Variants in OR7G2 observed in about 807,000 individuals in gnomAD.
The protein encoded by OR7G2 is olfactory receptor family 7 subfamily G member 2.
For synonymous variants in OR7G2, 153 were observed against 152.2 expected (o/e 1.01, Z -0.04); for missense variants, 362 against 384.0 (o/e 0.94, Z 0.48).
chr19:9,107,038 C>CAA (rs5827048), intron 1 of OR7G2, among the ~76,000 whole-genome samples: 2 of 151,318 alleles, frequency 1.3e-5, no homozygotes, highest in Non-Finnish European at 2.9e-5. Context: ...CCTGTGTCTA[C>CAA]AAAAAAAATT....
At position 9,102,753 on chromosome 19, in the gene OR7G2, A is replaced by G. The variant is rs774875374; in HGVS notation, c.491T>C (p.Leu164Ser). The change falls in exon 2 of 2, where the codon TTG (leucine) becomes TCG (serine). Residue 164 changes from leucine to serine, a missense_variant. Leu to Ser is a moderately radical substitution (Grantham distance 145). Coordinates refer to ENST00000641081, the MANE Select transcript of OR7G2 (RefSeq NM_001005193.2). ...VNALLLSLMVLRLSFCTDLEI... is the reference protein window; with the variant it reads ...VNALLLSLMVSRLSFCTDLEI... ...CAGGTCTGTGCAGAAGGACAGCCTC[A>G]ACACCATCAGGCTGAGAAGAAGGGC... 3 of 1,614,078 alleles carry G rather than the reference A, an allele frequency of 1.9e-6. No individual in the cohort carries two copies. In the African/African-American group the frequency reaches 4.0e-5, roughly 22 times the overall value.
Position 9,102,508 on chromosome 19 carries a change from A to G in OR7G2, c.736T>C (p.Ser246Pro). 1 of 1,614,154 alleles carries G rather than the reference A, an allele frequency of 6.2e-7. No individual in the cohort carries two copies. Among genetic ancestry groups the G allele is most frequent in the Non-Finnish European group, 8.5e-7 (1 of 1,179,994 alleles). Residue 246 changes from serine (S) to proline (P), a missense_variant, in exon 2 of 2, where the codon TCC (serine) becomes CCC (proline). By Grantham distance (74) the Ser-to-Pro change is moderately conservative. Transcript: ENST00000641081. ...KAVSTCGSHL[S>P]IVLLFYGAGL... Reference sequence around the variant, plus strand: ...GCCCCATAGAACAAGAGAACAATGGAGAGGTGAGACCCACAGGTGGAAACT... The same window carrying G: ...GCCCCATAGAACAAGAGAACAATGGGGAGGTGAGACCCACAGGTGGAAACT...
chr19:9,106,577 C>A (rs1056639173), intron 1 of OR7G2, among the ~76,000 whole-genome samples: 3 of 151,714 alleles, frequency 2.0e-5, no homozygotes, highest in African/African-American at 7.3e-5. Context: ...GAGGCTGAGG[C>A]AGGTGGATCA....
intron 1 of OR7G2, among the ~76,000 whole-genome samples, chr19:9,106,253 A>C (rs994498754): frequency 1.4e-5 from 2 of 139,376 alleles, no homozygotes; most frequent in Non-Finnish European, 3.2e-5. Context: ...CCCCGTCTTT[A>C]CTACAAATAC....
Position 9,102,096 on chromosome 19 carries a change from A to G in OR7G2, c.*173T>C, listed in dbSNP as rs1217764884. 8 of 588,944 alleles carry G rather than the reference A, an allele frequency of 1.4e-5. No homozygotes were observed. The highest frequency in any genetic ancestry group is 2.4e-5 in the Non-Finnish European group (8 of 337,932). 36.5% of individuals were successfully genotyped at this position (588,944 alleles called of 1,614,324 possible). Reference sequence around the variant, plus strand: ...CAGGCGCCTGTAATCCCCACTACTCAGGAGGCTGAGGCAGGAGGATGGCTT... The same window carrying G: ...CAGGCGCCTGTAATCCCCACTACTCGGGAGGCTGAGGCAGGAGGATGGCTT... On this transcript the variant is annotated 3_prime_UTR_variant, in exon 2 of 2. Transcript: ENST00000641081.
chr19:9,105,781 A>G (rs573884205), intron 1 of OR7G2, among the ~76,000 whole-genome samples: 1 of 151,696 alleles, frequency 6.6e-6, no homozygotes, highest in Admixed American at 6.6e-5. Flanking sequence ...CAGGAAATGG[A>G]GGTTGCAGTG....
intron 1 of OR7G2, among the ~76,000 whole-genome samples, chr19:9,105,468 T>C (rs567528690): frequency 6.6e-6 from 1 of 152,246 alleles, no homozygotes; most frequent in South Asian, 2.1e-4. Flanking sequence ...ATTCATCACA[T>C]AAAAAGAACT....
At chr19:9,103,302 G>A (rs368281058) in intron 1 of OR7G2, 43 bp from the exon 2 acceptor site, 9 of 1,608,808 alleles carry the variant, frequency 5.6e-6, no homozygotes, top group Admixed American at 1.7e-5. Context: ...CAGCTGCATC[G>A]GCATCACTCG....
chr19:9,106,225 C>T (rs2050384904), intron 1 of OR7G2, among the ~76,000 whole-genome samples: 1 of 149,514 alleles, frequency 6.7e-6, no homozygotes, highest in South Asian at 2.1e-4. Context: ...TGAGATCAGC[C>T]TGGCCAATAT....
Position 9,102,591 on chromosome 19 carries a change from T to C in OR7G2, c.653A>G (p.Tyr218Cys), listed in dbSNP as rs2050360879. 4.3e-6 allele frequency: 7 copies of C among 1,614,138 alleles called. No individual in the cohort carries two copies. Among genetic ancestry groups the C allele is most frequent in the Non-Finnish European group, 5.9e-6 (7 of 1,180,024 alleles). Reference protein sequence around the residue: ...GVPLSGIILSYTQITSCVLRM... With the variant: ...GVPLSGIILSCTQITSCVLRM... ...CAAAACACAGGAGGTGATCTGAGTGTAAGACAAAATGATTCCAGACAGAGG... is the reference window on the plus strand; with the variant it reads ...CAAAACACAGGAGGTGATCTGAGTGCAAGACAAAATGATTCCAGACAGAGG... Residue 218 changes from tyrosine (Y) to cysteine (C), a missense_variant, in exon 2 of 2, where the codon TAC (tyrosine) becomes TGC (cysteine). Physicochemically the swap from Tyr to Cys is radical, Grantham distance 194 (BLOSUM62 -2). Transcript: ENST00000641081.
At chr19:9,103,711 G>A (rs528421126) in intron 1 of OR7G2, among the ~76,000 whole-genome samples, 9 of 150,550 alleles carry the variant, frequency 6.0e-5, no homozygotes, top group Admixed American at 2.0e-4. Context: ...TAGAGACGGC[G>A]GGGGTGGGGG....
At position 9,107,306 on chromosome 19, in the gene OR7G2, C is replaced by T. The variant is rs1372065711; in HGVS notation, c.-17+8G>A. ...TGGCTTCAACAAAAATGATGCTCAA[C>T]AACTCACATGGATATTGCAGAGGAT... On this transcript the variant is annotated splice_region_variant and intron_variant, in intron 1 of 1. Coordinates refer to ENST00000641081, the MANE Select transcript of OR7G2 (RefSeq NM_001005193.2). 6.6e-6 allele frequency: 1 copy of T among 152,140 alleles called. No homozygotes were observed. Among genetic ancestry groups the T allele is most frequent in the Non-Finnish European group, 1.5e-5 (1 of 68,024 alleles). The allele number at this position is 152,140 out of a possible 1,614,324, so 9.4% of individuals were successfully genotyped here. A position where few individuals can be genotyped will look rare whatever the true frequency, so the allele number is the denominator to read the frequency against.
chr19:9,102,779 A>G lies in OR7G2; in HGVS notation c.465T>C (p.Asn155=). 1 of 1,614,152 alleles carries G rather than the reference A, an allele frequency of 6.2e-7. No individual in the cohort carries two copies. Among genetic ancestry groups the G allele is most frequent in the Non-Finnish European group, 8.5e-7 (1 of 1,180,018 alleles). The change falls in exon 2 of 2, where the codon AAT becomes AAC. Residue 155 remains asparagine (N), a synonymous_variant. Coordinates refer to ENST00000641081, the MANE Select transcript of OR7G2 (RefSeq NM_001005193.2). ...ACACCATCAGGCTGAGAAGAAGGGC[A>G]TTCACAACACTAGTCAACAGAGAGA... ...ILLSLLTSVV[N]ALLLSLMVLR...
In OR7G2 at chr19:9,103,060, A is replaced by C. The variant is rs756048014; in HGVS notation, c.184T>G (p.Phe62Val). Residue 62 changes from phenylalanine (F) to valine (V), a missense_variant, in exon 2 of 2, where the codon TTC becomes GTC. Transcript: ENST00000641081. The stretch of plus-strand genomic sequence containing the variant: ...TCCAAAAAGGAGAGATTGGAGAGGA[A>C]GAAGTACATGGGGGTGTGGAGGTGA... The part of the protein sequence containing the change: ...DSHLHTPMYF[F>V]LSNLSFLDIC... 1 of 1,614,132 alleles carries C rather than the reference A, an allele frequency of 6.2e-7. No individual in the cohort carries two copies. The highest frequency in any genetic ancestry group is 1.7e-5 in the Admixed American group (1 of 59,996).
chr19:9,103,591 C>A (rs1475856155), intron 1 of OR7G2, among the ~76,000 whole-genome samples: 2 of 149,374 alleles, frequency 1.3e-5, no homozygotes, highest in East Asian at 4.0e-4. Context: ...ATTGCAAGCT[C>A]CACCTCCATG....
intron 1 of OR7G2, among the ~76,000 whole-genome samples, chr19:9,104,717 C>T (rs964742939): frequency 3.1e-4 from 47 of 151,700 alleles, no homozygotes; most frequent in Non-Finnish European, 6.3e-4. Flanking sequence ...GTCCCAGCTA[C>T]TCGGGAGGCT....
chr19:9,103,343 C>T (rs761366952), intron 1 of OR7G2, 84 bp from the exon 2 acceptor site: 2 of 1,389,450 alleles, frequency 1.4e-6, no homozygotes, highest in Admixed American at 1.8e-5. Context: ...AATCTTGCTC[C>T]CCTCCCCAGA....
chr19:9,102,720 G>A lies in OR7G2; in HGVS notation c.524C>T (p.Pro175Leu), dbSNP rs7247751. The A allele has an allele frequency of 4.9e-3, 7,988 of 1,614,044 alleles. 349 individuals carry two copies. The African/African-American group carries it at 0.094, about 19-fold the overall frequency. ...RLSFCTDLEI[P>L]LFFCELAQVI... ...CTGAGCCAGTTCACAGAAGAAGAGC[G>A]GGATTTCCAGGTCTGTGCAGAAGGA... is the stretch of plus-strand genomic sequence containing the variant. Residue 175 changes from proline (P) to leucine (L), a missense_variant, in exon 2 of 2, where the codon CCG becomes CTG. By Grantham distance (98) the Pro-to-Leu change is moderately conservative (BLOSUM62 -3). Transcript: ENST00000641081.
intron 1 of OR7G2, among the ~76,000 whole-genome samples, chr19:9,105,391 C>T (rs1349945941): frequency 2.6e-5 from 4 of 152,266 alleles, no homozygotes; most frequent in Middle Eastern, 3.4e-3. Context: ...ACTTATCCAC[C>T]ACTATCAAAT....
Sources: gnomAD v4.1 joint callset for allele counts (sites outside exome capture counted in the v4.1 genomes callset) on GRCh38, gnomAD v4.1.1 for gene constraint, MANE v1.5 for transcripts, NCBI Gene and HGNC (gene_info 2026-07-23, HGNC 2026-07-21) for gene names.